ERCC6: variants seen among roughly 807,000 people sequenced by gnomAD.
ERCC6 encodes ERCC excision repair 6, chromatin remodeling factor, also known as DNA excision repair protein ERCC-6.
ERCC6 carries 116 observed loss-of-function variants against 158.7 expected under a neutral mutation model. The observed-to-expected ratio is 0.73, with a 90% CI of 0.63 to 0.85. The LOEUF (loss-of-function observed/expected upper bound fraction) is 0.85, where lower values mean the gene tolerates loss of function less well. Among genes scored for constraint, ERCC6 ranks in the 40% least tolerant of loss-of-function variants. The pLI is 0.00. For synonymous variants in ERCC6, 678 were observed against 659.3 expected (o/e 1.03, Z -0.43); for missense variants, 1,698 against 1,799.4 (o/e 0.94, Z 1.02).
intron 11 of ERCC6, 152 bp downstream of exon 11, chr10:49,478,202 C>G (rs921315085): frequency 2.6e-6 from 2 of 755,296 alleles, no homozygotes; most frequent in African/African-American, 3.4e-5. Flanking sequence ...AGAGAAGAAT[C>G]CACTGAGGGC....
chr10:49,505,700 T>A, intron 6 of ERCC6, 184 bp downstream of exon 6: 1 of 663,850 alleles, frequency 1.5e-6, no homozygotes, highest in African/African-American at 1.8e-5. Context: ...TTTAGTCAAC[T>A]TATTATCATC....
At chr10:49,529,908 A>C (rs1837429531) in intron 3 of ERCC6, among the ~76,000 whole-genome samples, 1 of 152,174 alleles carries the variant, frequency 6.6e-6, no homozygotes, top group Non-Finnish European at 1.5e-5. Context: ...TCATAAAAAT[A>C]ATATCCTAAG....
chr10:49,532,509 C>G (rs778979020), intron 2 of ERCC6, 34 bp downstream of exon 2: 32 of 1,610,892 alleles, frequency 2.0e-5, no homozygotes, highest in Non-Finnish European at 2.5e-5. Context: ...TGTTTTACCA[C>G]CACTTTGAAA....
intron 7 of ERCC6, among the ~76,000 whole-genome samples, chr10:49,497,825 TC>T (rs1851292259): frequency 6.6e-6 from 1 of 152,168 alleles, no homozygotes. Context: ...AGCCAATAGC[TC>T]CATGGTCAAA....
At chr10:49,530,934 T>G in intron 2 of ERCC6, 94 bp from the exon 3 acceptor site, 1 of 1,526,452 alleles carries the variant, frequency 6.6e-7, no homozygotes, top group Non-Finnish European at 8.8e-7. Context: ...TCCCTTTTAC[T>G]TCTTATTAAC....
chr10:49,485,716 A>G (rs975861456), intron 8 of ERCC6, among the ~76,000 whole-genome samples: 3 of 152,254 alleles, frequency 2.0e-5, no homozygotes, highest in African/African-American at 7.2e-5. Context: ...ACTGAGTAAC[A>G]GTTGCTACTT....
chr10:49,493,878 C>T (rs534069891), intron 7 of ERCC6, among the ~76,000 whole-genome samples: 7 of 152,334 alleles, frequency 4.6e-5, no homozygotes, highest in African/African-American at 1.7e-4. Context: ...CATGGAGGAG[C>T]ATCCGAGCGA....
At position 49,500,705 on chromosome 10, in the gene ERCC6, AC is replaced by A; in HGVS notation, c.1527-10del. Reference sequence around the variant, plus strand: ...CACCTGTCTGCTGGTACCTATGACAACAAACACCAACAAGAAAAGAGAAAAT... The same window carrying A: ...CACCTGTCTGCTGGTACCTATGACAAAAACACCAACAAGAAAAGAGAAAAT... On this transcript the variant is annotated splice_polypyrimidine_tract_variant and intron_variant, in intron 6 of 20. Coordinates refer to ENST00000355832, the MANE Select transcript of ERCC6 (RefSeq NM_000124.4). The A allele has an allele frequency of 6.2e-7, 1 of 1,613,328 alleles. No homozygotes were observed. Among genetic ancestry groups the A allele is most frequent in the Non-Finnish European group, 8.5e-7 (1 of 1,179,752 alleles).
At chr10:49,466,736 A>C (rs1850682155) in intron 18 of ERCC6, among the ~76,000 whole-genome samples, 1 of 152,224 alleles carries the variant, frequency 6.6e-6, no homozygotes, top group African/African-American at 2.4e-5. Flanking sequence ...CTAGTCCGAA[A>C]GTCATCCATG....
At chr10:49,446,599 ACT>A in the ERCC6 span, among the ~76,000 whole-genome samples, 18 of 152,134 alleles carry the variant, frequency 1.2e-4, no homozygotes, top group Admixed American at 9.2e-4. Flanking sequence ...ACACAGCGAG[ACT>A]CTGTCTCTCT....
intron 8 of ERCC6, among the ~76,000 whole-genome samples, chr10:49,487,785 A>T (rs1851101309): frequency 6.6e-6 from 1 of 152,214 alleles, no homozygotes; most frequent in Non-Finnish European, 1.5e-5. Context: ...TAGGTATAGA[A>T]ATGTTAGCTA....
intron 5 of ERCC6, among the ~76,000 whole-genome samples, chr10:49,522,164 C>T (rs936258477): frequency 6.6e-6 from 1 of 152,256 alleles, no homozygotes; most frequent in Admixed American, 6.5e-5. Context: ...ATCGTCAAAC[C>T]ACTGCTAAGA....
intron 1 of ERCC6, among the ~76,000 whole-genome samples, chr10:49,537,298 G>A (rs1301364690): frequency 1.4e-5 from 2 of 144,812 alleles, no homozygotes; most frequent in South Asian, 2.1e-4. Flanking sequence ...GAGCGAGATC[G>A]CACCACTGCA....
In ERCC6 at chr10:49,474,146, G is replaced by A. The variant is rs115875661; in HGVS notation, c.2479C>T (p.Leu827=). ...CAGTACCCAAACTGATCTTCTTCTA[G>A]TTCATCATCAGGAAGACCTTTGAGA... The part of the protein sequence containing the change: ...KNLKGLPDDE[L]EEDQFGYWKR... The change falls in exon 13 of 21, where the codon CTA becomes TTA. Residue 827 remains leucine, a synonymous_variant. Transcript: ENST00000355832. The A allele has an allele frequency of 1.5e-4, 236 of 1,614,090 alleles. No homozygotes were observed. The African/African-American group carries it at 2.9e-3, about 20-fold the overall frequency.
chr10:49,470,419 G>A lies in ERCC6; in HGVS notation c.3541C>T (p.His1181Tyr), dbSNP rs770380323. The change falls in exon 18 of 21, where the codon CAC becomes TAC. Residue 1181 changes from histidine (H) to tyrosine (Y), a missense_variant. Coordinates refer to ENST00000355832, the MANE Select transcript of ERCC6 (RefSeq NM_000124.4). ...NKQMENNFYK[H>Y]KSKTKHHSVA... ...CTATGATGTTTTGTTTTTGACTTGT[G>A]CTTATAAAAATTATTTTCCATTTGT... 7.4e-6 allele frequency: 12 copies of A among 1,614,022 alleles called. No homozygotes were observed. Among genetic ancestry groups the A allele is most frequent in the South Asian group, 2.2e-5 (2 of 91,056 alleles).
At chr10:49,536,535 C>T (rs1837602949) in intron 1 of ERCC6, among the ~76,000 whole-genome samples, 1 of 152,098 alleles carries the variant, frequency 6.6e-6, no homozygotes, top group African/African-American at 2.4e-5. Flanking sequence ...ACAAAATATC[C>T]CACAAAGCAG....
At chr10:49,435,647 G>T in the ERCC6 span, among the ~76,000 whole-genome samples, 1 of 152,090 alleles carries the variant, frequency 6.6e-6, no homozygotes, top group Admixed American at 6.6e-5. Flanking sequence ...AAAAATATAG[G>T]ATGAACCTAA....
At chr10:49,537,555 CTGT>C (rs1294429976) in intron 1 of ERCC6, among the ~76,000 whole-genome samples, 17 of 151,092 alleles carry the variant, frequency 1.1e-4, no homozygotes, top group Non-Finnish European at 2.4e-4. Context: ...GTGGTGACTG[CTGT>C]TAAGAGGAAA....
intron 18 of ERCC6, among the ~76,000 whole-genome samples, chr10:49,462,202 T>C (rs1053831217): frequency 2.0e-5 from 3 of 152,058 alleles, no homozygotes; most frequent in East Asian, 1.9e-4. Flanking sequence ...GACCAGAAAA[T>C]AGAAATAGAT....
Sources: allele counts gnomAD v4.1 joint callset (sites outside exome capture counted in the v4.1 genomes callset), GRCh38; gene constraint gnomAD v4.1.1; transcripts MANE v1.5; gene names NCBI Gene and HGNC (gene_info 2026-07-23, HGNC 2026-07-21).